The following TMEM11 variants were observed in gnomAD, a reference collection of about 807,000 sequenced individuals.
The protein encoded by TMEM11 is transmembrane protein 11, mitochondrial.
A neutral mutation model predicts 17.0 loss-of-function variants in TMEM11; 1 was observed. The observed-to-expected ratio is 0.06, with a 90% CI of 0.02 to 0.28. TMEM11 has a LOEUF of 0.28. TMEM11 is among the 10% of genes least tolerant of loss of function. The pLI is 1.00. For missense variants in TMEM11, 172 were observed against 252.9 expected (o/e 0.68, Z 2.17); for synonymous variants, 122 against 118.1 (o/e 1.03, Z -0.21).
At chr17:21,202,708 A>G (rs948440343) in intron 1 of TMEM11, among the ~76,000 whole-genome samples, 8 of 152,300 alleles carry the variant, frequency 5.3e-5, no homozygotes, top group South Asian at 2.1e-4. Flanking sequence ...AAGGCCCTCC[A>G]GGCTCCCTCC....
chr17:21,207,401 A>G (rs1249690214), intron 1 of TMEM11, among the ~76,000 whole-genome samples: 2 of 151,864 alleles, frequency 1.3e-5, no homozygotes, highest in African/African-American at 4.8e-5. Flanking sequence ...GTGGTGGTGC[A>G]TGCCTGTGGT....
chr17:21,212,637 C>A (rs972034355), intron 1 of TMEM11, among the ~76,000 whole-genome samples: 1 of 152,218 alleles, frequency 6.6e-6, no homozygotes, highest in African/African-American at 2.4e-5. Flanking sequence ...CATCTATTTT[C>A]TTAGATCAAT....
rs770113085 is a variant in TMEM11 at position 21,198,334 on chromosome 17, T to C, written c.569A>G (p.Tyr190Cys). The stretch of plus-strand genomic sequence containing the variant: ...CCTGTTCTACTGAAATCATACGGCA[T>C]AGAGTTCGTAAATCTTCTTTACACA... ...VYCVKKIYELYAV is the reference protein window; with the variant it reads ...VYCVKKIYELCAV The change falls in exon 2 of 2, where the codon TAT becomes TGT. Residue 190 changes from tyrosine (Y) to cysteine (C), a missense_variant. This residue lies in a region of TMEM11 where 123 missense variants were observed against 213.6 expected (regional missense o/e 0.58). Transcript: ENST00000317635. The surrounding 1 kb of genome is among the most constrained non-coding windows in gnomAD (Gnocchi z 6.5). 31 of 1,611,792 alleles carry C rather than the reference T, an allele frequency of 1.9e-5. No individual in the cohort carries two copies. In the Admixed American group the frequency reaches 3.7e-4, roughly 19 times the overall value.
intron 1 of TMEM11, chr17:21,210,948 A>G (rs1974996500): frequency 7.8e-7 from 1 of 1,284,126 alleles, no homozygotes; most frequent in African/African-American, 1.5e-5. Flanking sequence ...TCCAACAATC[A>G]CGGAGGGCTC....
intron 1 of TMEM11, chr17:21,210,838 C>A: frequency 1.7e-6 from 2 of 1,151,006 alleles, no homozygotes; most frequent in Non-Finnish European, 2.2e-6. Flanking sequence ...TGGCCCTCTG[C>A]ACACCCCAGG....
At chr17:21,210,511 C>A (rs368713543) in intron 1 of TMEM11, among the ~76,000 whole-genome samples, 76 of 152,250 alleles carry the variant, frequency 5.0e-4, no homozygotes, top group African/African-American at 1.8e-3. Flanking sequence ...CTCCCAAAGC[C>A]TGAGAGTCTA....
At chr17:21,203,961 C>A in intron 1 of TMEM11, among the ~76,000 whole-genome samples, 1 of 124,588 alleles carries the variant, frequency 8.0e-6, no homozygotes, top group East Asian at 2.4e-4. Context: ...TTTTTTTTTC[C>A]TTTTTTTTTT....
chr17:21,202,111 T>C (rs982348168), intron 1 of TMEM11, among the ~76,000 whole-genome samples: 4 of 152,074 alleles, frequency 2.6e-5, no homozygotes, highest in African/African-American at 9.7e-5. Flanking sequence ...GGGCCTCCAC[T>C]CTCAGGTGGG....
At chr17:21,213,967 C>G (rs1331228333) in intron 1 of TMEM11, 124 bp downstream of exon 1, 1 of 955,896 alleles carries the variant, frequency 1.0e-6, no homozygotes, top group Non-Finnish European at 1.5e-6. Flanking sequence ...CCAGTATGCC[C>G]GGCGAGGGTA....
chr17:21,201,221 C>G (rs1016929954), intron 1 of TMEM11, among the ~76,000 whole-genome samples: 1 of 152,240 alleles, frequency 6.6e-6, no homozygotes, highest in Non-Finnish European at 1.5e-5. Context: ...ACCCTAACCC[C>G]GCCCCTGGGT....
At chr17:21,204,435 T>TAAAAAAAAAAA (rs71160127) in intron 1 of TMEM11, among the ~76,000 whole-genome samples, 1 of 96,840 alleles carries the variant, frequency 1.0e-5, no homozygotes, top group African/African-American at 3.8e-5. Context: ...TCCGTCTCAA[T>TAAAAAAAAAAA]AAAAAAAAAA....
chr17:21,209,273 G>A (rs368327733), intron 1 of TMEM11, among the ~76,000 whole-genome samples: 2 of 152,276 alleles, frequency 1.3e-5, no homozygotes, highest in South Asian at 2.1e-4. Flanking sequence ...GTTCCCTCTC[G>A]GCTGCCTACT....
chr17:21,210,148 G>A (rs1974987339), intron 1 of TMEM11, among the ~76,000 whole-genome samples: 3 of 152,154 alleles, frequency 2.0e-5, no homozygotes, highest in South Asian at 2.1e-4. Context: ...TTCAGAAAGG[G>A]GAGCCTTCCC....
At chr17:21,209,181 C>T (rs1008331613) in intron 1 of TMEM11, among the ~76,000 whole-genome samples, 3 of 152,236 alleles carry the variant, frequency 2.0e-5, no homozygotes, top group Non-Finnish European at 2.9e-5. Flanking sequence ...TCCTATTCTG[C>T]GCACTGGTAA....
At position 21,198,726 on chromosome 17, in the gene TMEM11, G is replaced by A. The variant is rs1974847629; in HGVS notation, c.177C>T (p.Tyr59=). The A allele has an allele frequency of 6.2e-7, 1 of 1,614,150 alleles. No homozygotes were observed. The highest frequency in any genetic ancestry group is 8.5e-7 in the Non-Finnish European group (1 of 1,180,062). Residue 59 remains tyrosine, a synonymous_variant, in exon 2 of 2, where the codon TAC becomes TAT. Transcript: ENST00000317635. This position sits in a 1 kb window ranked among gnomAD's most constrained non-coding sequence, Gnocchi z 6.5. ...LEQALEAQYK[Y]IVIEPTRIGD... ...CAATGCGAGTGGGCTCAATCACAAT[G>A]TACTTGTACTGGGCTTCCAGGGCCT...
chr17:21,211,440 A>C (rs140927187), intron 1 of TMEM11, among the ~76,000 whole-genome samples: 1 of 152,322 alleles, frequency 6.6e-6, no homozygotes, highest in East Asian at 1.9e-4. Flanking sequence ...TGAGGAGCTG[A>C]ATTCTTCATT....
intron 1 of TMEM11, among the ~76,000 whole-genome samples, chr17:21,203,961 CTTTTT>C (rs59460426): frequency 4.0e-5 from 5 of 124,530 alleles, no homozygotes; most frequent in Non-Finnish European, 4.8e-5. Flanking sequence ...TTTTTTTTTC[CTTTTT>C]TTTTTTTTTT....
intron 1 of TMEM11, among the ~76,000 whole-genome samples, chr17:21,201,153 G>A (rs532659940): frequency 5.5e-4 from 84 of 152,310 alleles, no homozygotes; most frequent in Admixed American, 1.4e-3. Context: ...GATCTCATGT[G>A]GCCACATTAA....
At chr17:21,200,221 T>C (rs1325153021) in intron 1 of TMEM11, among the ~76,000 whole-genome samples, 2 of 152,228 alleles carry the variant, frequency 1.3e-5, no homozygotes, top group Non-Finnish European at 2.9e-5. Flanking sequence ...GCCTCTGCGG[T>C]ACAAATTTCC....
Sources: allele counts gnomAD v4.1 joint callset (sites outside exome capture counted in the v4.1 genomes callset), GRCh38; gene constraint gnomAD v4.1.1; regional missense constraint gnomAD v4.1.1; non-coding constraint Gnocchi (gnomAD v3.1); transcripts MANE v1.5; gene names NCBI Gene and HGNC (gene_info 2026-07-23, HGNC 2026-07-21).